COL22A1: variants seen among roughly 807,000 people sequenced by gnomAD.
COL22A1 encodes the protein collagen type XXII alpha 1 chain.
In COL22A1, 221 loss-of-function variants were observed where a neutral mutation model predicts 248.9. The ratio of observed to expected loss-of-function variants is 0.89; its 90% CI spans 0.80 to 0.99. COL22A1 has a LOEUF of 0.99. Ranked by LOEUF, COL22A1 falls within the 50% of genes least tolerant of loss-of-function variation. COL22A1 has a pLI of 0.00. For synonymous variants in COL22A1, 891 were observed against 793.4 expected (o/e 1.12, Z -2.07); for missense variants, 2,240 against 2,179.0 (o/e 1.03, Z -0.56).
intron 56 of COL22A1, 99 bp downstream of exon 56, chr8:138,613,768 A>G (rs553386313): frequency 9.0e-7 from 1 of 1,117,262 alleles, no homozygotes; most frequent in African/African-American, 1.5e-5. Context: ...CAATTTTTTA[A>G]CAATATATAC....
intron 42 of COL22A1, among the ~76,000 whole-genome samples, chr8:138,663,098 A>G (rs1824129382): frequency 6.6e-6 from 1 of 152,206 alleles, no homozygotes; most frequent in Non-Finnish European, 1.5e-5. Flanking sequence ...ATACGTTCAC[A>G]TGGCATAAGA....
chr8:138,782,895 C>G (rs1306878908), intron 12 of COL22A1, among the ~76,000 whole-genome samples: 1 of 152,160 alleles, frequency 6.6e-6, no homozygotes, highest in Non-Finnish European at 1.5e-5. Context: ...CTGCTGTGTG[C>G]ACCATAAGCC....
intron 6 of COL22A1, chr8:138,825,880 G>T (rs989537820): frequency 2.0e-5 from 3 of 152,268 alleles, no homozygotes; most frequent in African/African-American, 7.2e-5. Context: ...GGATTTGGCA[G>T]AGAACAAATA....
chr8:138,829,552 C>T (rs181299541), intron 5 of COL22A1, among the ~76,000 whole-genome samples: 5 of 151,822 alleles, frequency 3.3e-5, no homozygotes, highest in African/African-American at 9.7e-5. Flanking sequence ...TACAGGTGCC[C>T]GCCACCACAC....
In COL22A1 at chr8:138,703,300, A is replaced by C; in HGVS notation, c.2559+6T>G. The C allele has an allele frequency of 6.2e-7, 1 of 1,612,482 alleles. No homozygotes were observed. Among genetic ancestry groups the C allele is most frequent in the East Asian group, 2.2e-5 (1 of 44,856 alleles). On this transcript the variant is annotated splice_donor_region_variant and intron_variant, in intron 31 of 64. Transcript: ENST00000303045. ...AGGAGAAAGAATTAGAAGCGGAGTA[A>C]CTTACAGTTCCAGGTAACCCGGGAG...
At chr8:138,603,063 T>C (rs1017358777) in intron 59 of COL22A1, among the ~76,000 whole-genome samples, 3 of 152,176 alleles carry the variant, frequency 2.0e-5, no homozygotes, top group Admixed American at 6.5e-5. Flanking sequence ...TCTACATTGA[T>C]TAAAGAGAAG....
At chr8:138,862,126 G>A (rs1822531425) in intron 3 of COL22A1, among the ~76,000 whole-genome samples, 1 of 152,030 alleles carries the variant, frequency 6.6e-6, no homozygotes, top group Non-Finnish European at 1.5e-5. Context: ...GCTGAGGCAG[G>A]AGAATTGCTT....
chr8:138,848,416 T>C (rs1821399539), intron 3 of COL22A1, among the ~76,000 whole-genome samples: 1 of 152,192 alleles, frequency 6.6e-6, no homozygotes, highest in South Asian at 2.1e-4. Context: ...ACGAATTTAC[T>C]GTGGTCTTCC....
At chr8:138,870,002 T>C (rs1823198587) in intron 3 of COL22A1, among the ~76,000 whole-genome samples, 1 of 152,080 alleles carries the variant, frequency 6.6e-6, no homozygotes, top group African/African-American at 2.4e-5. Context: ...GTTATGTGCC[T>C]GGTGTGTATG....
chr8:138,827,577 C>G (rs2131795126), intron 5 of COL22A1, among the ~76,000 whole-genome samples: 1 of 152,250 alleles, frequency 6.6e-6, no homozygotes. Context: ...CAGGTTCCTG[C>G]CTGGCCTGTG....
At chr8:138,902,621 G>A (rs530586836) in intron 1 of COL22A1, among the ~76,000 whole-genome samples, 1 of 151,804 alleles carries the variant, frequency 6.6e-6, no homozygotes, top group South Asian at 2.1e-4. Flanking sequence ...CAAGAGAATG[G>A]CGTGAACCTG....
intron 1 of COL22A1, among the ~76,000 whole-genome samples, chr8:138,912,520 C>T (rs1587034128): frequency 1.3e-5 from 2 of 152,274 alleles, no homozygotes; most frequent in East Asian, 3.9e-4. Flanking sequence ...GTGGGCGGAT[C>T]ACCTGAGGTC....
chr8:138,849,831 G>T (rs1821500270), intron 3 of COL22A1, among the ~76,000 whole-genome samples: 1 of 151,996 alleles, frequency 6.6e-6, no homozygotes, highest in African/African-American at 2.4e-5. Context: ...CAGGGAGTCA[G>T]ATGTAGGCAT....
At chr8:138,818,148 C>T (rs552121979) in intron 7 of COL22A1, among the ~76,000 whole-genome samples, 32 of 152,246 alleles carry the variant, frequency 2.1e-4, no homozygotes, top group African/African-American at 7.2e-4. Flanking sequence ...GCCTCCGTAT[C>T]CTTGTCTGTA....
At chr8:138,739,815 A>AGG (rs1186548621) in intron 22 of COL22A1, among the ~76,000 whole-genome samples, 2 of 152,272 alleles carry the variant, frequency 1.3e-5, no homozygotes, top group East Asian at 3.9e-4. Flanking sequence ...TAGCAGAGAG[A>AGG]GTGAGTGAGC....
intron 1 of COL22A1, among the ~76,000 whole-genome samples, chr8:138,885,166 T>C (rs2132081638): frequency 6.6e-6 from 1 of 152,316 alleles, no homozygotes; most frequent in East Asian, 1.9e-4. Flanking sequence ...GAATTATTTG[T>C]GGCTCCAAGG....
At chr8:138,623,262 A>ATGTG (rs5895542) in intron 52 of COL22A1, among the ~76,000 whole-genome samples, 43 of 143,570 alleles carry the variant, frequency 3.0e-4, no homozygotes, top group East Asian at 1.2e-3. Context: ...ATATATATTT[A>ATGTG]TGTGTGTGTG....
intron 6 of COL22A1, chr8:138,825,576 G>A (rs1819515685): frequency 6.6e-6 from 1 of 152,176 alleles, no homozygotes. Context: ...ACAATCCCCA[G>A]CTCCTACTAA....
intron 37 of COL22A1, among the ~76,000 whole-genome samples, chr8:138,686,982 A>T (rs908457286): frequency 2.0e-5 from 3 of 152,258 alleles, no homozygotes; most frequent in African/African-American, 7.2e-5. Flanking sequence ...TTTGAGATGG[A>T]ATCTCACTCT....
Sources: gnomAD v4.1 joint callset for allele counts (sites outside exome capture counted in the v4.1 genomes callset) on GRCh38, gnomAD v4.1.1 for gene constraint, MANE v1.5 for transcripts, NCBI Gene and HGNC (gene_info 2026-07-23, HGNC 2026-07-21) for gene names.